Variants in ADK observed in about 807,000 individuals in gnomAD.
ADK encodes adenosine kinase.
Under a neutral mutation model 44.7 loss-of-function variants are expected in ADK, and 24 were observed. That is an observed-to-expected ratio of 0.54 (90% CI 0.39 to 0.76). The LOEUF is 0.76. ADK is among the 30% of genes least tolerant of loss of function. ADK has a pLI of 0.00. For missense variants in ADK, 321 were observed against 425.1 expected, an observed-to-expected ratio of 0.76 and a Z score of 2.15; for synonymous variants, 128 against 142.6, an observed-to-expected ratio of 0.90 and a Z score of 0.73.
At chr10:74,627,294 A>T (rs1467856106) in intron 9 of ADK, among the ~76,000 whole-genome samples, 2 of 152,122 alleles carry the variant, frequency 1.3e-5, no homozygotes, top group African/African-American at 4.8e-5. Flanking sequence ...TGAGAAACAT[A>T]GCGAGACCTC....
chr10:74,371,641 A>G (rs1179750977), intron 4 of ADK: 33 of 999,366 alleles, frequency 3.3e-5, no homozygotes, highest in Middle Eastern at 2.1e-4. Context: ...CAGATGGAAC[A>G]GTACATCTCT....
rs1200294218 is a variant in ADK at position 74,316,067 on chromosome 10, G to A, written c.273+1322G>A. ...AGCCTGGCCAACATGGTGAAACCCCGTCTCTCCTAAAAAAATACAAAAATT... is the reference window on the plus strand; with the variant it reads ...AGCCTGGCCAACATGGTGAAACCCCATCTCTCCTAAAAAAATACAAAAATT... On this transcript the variant is annotated intron_variant, in intron 4 of 10. Transcript: ENST00000539909. Among the ~76,000 whole-genome samples, 7 of 151,980 alleles carry A rather than the reference G, an allele frequency of 4.6e-5. No homozygotes were observed. The South Asian group carries it at 6.2e-4, about 14-fold the overall frequency.
At chr10:74,254,731 T>G (rs1198564333) in intron 3 of ADK, among the ~76,000 whole-genome samples, 2 of 152,158 alleles carry the variant, frequency 1.3e-5, no homozygotes, top group South Asian at 2.1e-4. Flanking sequence ...AAAAGGAATC[T>G]CCTTCTTTTT....
At chr10:74,223,234 C>T (rs1432689676) in intron 2 of ADK, among the ~76,000 whole-genome samples, 2 of 152,040 alleles carry the variant, frequency 1.3e-5, no homozygotes, top group African/African-American at 2.4e-5. Flanking sequence ...GGGGCCTGAA[C>T]CTGCTAATGG....
At chr10:74,449,531 T>C (rs777162915) in intron 6 of ADK, among the ~76,000 whole-genome samples, 4 of 152,224 alleles carry the variant, frequency 2.6e-5, no homozygotes, top group African/African-American at 4.8e-5. Context: ...TTTTGTGTAT[T>C]GTGCCTATTA....
chr10:74,258,442 C>T (rs1380843787), intron 3 of ADK, among the ~76,000 whole-genome samples: 1 of 152,080 alleles, frequency 6.6e-6, no homozygotes, highest in Admixed American at 6.6e-5. Context: ...CTTGTTGCTT[C>T]TATTTTCTCT....
intron 7 of ADK, among the ~76,000 whole-genome samples, chr10:74,560,696 A>G (rs956058383): frequency 6.6e-6 from 1 of 152,204 alleles, no homozygotes; most frequent in African/African-American, 2.4e-5. Flanking sequence ...TTTCCAAGTT[A>G]TAGTATTGAG....
At chr10:74,599,145 T>C (rs921844565) in intron 8 of ADK, among the ~76,000 whole-genome samples, 5 of 152,196 alleles carry the variant, frequency 3.3e-5, no homozygotes, top group African/African-American at 7.2e-5. Flanking sequence ...GAAAGCGAAA[T>C]AGTCAGCATG....
intron 3 of ADK, among the ~76,000 whole-genome samples, chr10:74,253,480 C>T (rs988682027): frequency 6.6e-6 from 1 of 152,090 alleles, no homozygotes; most frequent in Admixed American, 6.5e-5. Flanking sequence ...AGCTAGTCCT[C>T]AATTTAATTG....
chr10:74,263,276 A>G (rs955136534), intron 3 of ADK, among the ~76,000 whole-genome samples: 1 of 152,210 alleles, frequency 6.6e-6, no homozygotes, highest in Admixed American at 6.5e-5. Flanking sequence ...ATGCTTCATC[A>G]TGAAAATACG....
intron 9 of ADK, among the ~76,000 whole-genome samples, chr10:74,614,371 C>A (rs1852668079): frequency 2.0e-5 from 3 of 152,076 alleles, no homozygotes; most frequent in Admixed American, 6.6e-5. Flanking sequence ...AAATATGTTA[C>A]TAAATAACAT....
intron 2 of ADK, among the ~76,000 whole-genome samples, chr10:74,217,562 GCCT>G (rs1456405768): frequency 6.6e-6 from 1 of 152,216 alleles, no homozygotes; most frequent in Admixed American, 6.5e-5. Flanking sequence ...CGGGCAGACT[GCCT>G]CCTCAAGTGG....
intron 4 of ADK, among the ~76,000 whole-genome samples, chr10:74,359,478 TG>T (rs1413045120): frequency 1.3e-5 from 2 of 152,030 alleles, no homozygotes; most frequent in African/African-American, 2.4e-5. Context: ...GAGGCTGAAG[TG>T]GGAGGATTGC....
rs565550321 is a variant in ADK at position 74,433,119 on chromosome 10, A to G, written c.555+34540A>G. On this transcript the variant is annotated intron_variant, in intron 6 of 10. Coordinates refer to ENST00000539909, the MANE Select transcript of ADK (RefSeq NM_006721.4). ...AACATAGAATCATCTGTTGATGACA[A>G]AATTACCAAAATGGATCATCCATAA... 3.9e-5 allele frequency among the ~76,000 whole-genome samples: 6 copies of G among 152,288 alleles called. No individual in the cohort carries two copies. The South Asian group carries it at 1.2e-3, about 32-fold the overall frequency.
chr10:74,380,922 T>G (rs978377089), intron 4 of ADK, among the ~76,000 whole-genome samples: 2 of 152,164 alleles, frequency 1.3e-5, no homozygotes, highest in Non-Finnish European at 2.9e-5. Context: ...CTGTTTTTCT[T>G]TTGAAGGTAT....
At chr10:74,580,679 G>A (rs974665081) in intron 7 of ADK, among the ~76,000 whole-genome samples, 1 of 151,854 alleles carries the variant, frequency 6.6e-6, no homozygotes, top group Non-Finnish European at 1.5e-5. Context: ...CCATGATTGT[G>A]AGGCTTCCCC....
intron 4 of ADK, among the ~76,000 whole-genome samples, chr10:74,329,789 T>C (rs1487730023): frequency 2.0e-5 from 3 of 152,326 alleles, no homozygotes; most frequent in Non-Finnish European, 4.4e-5. Flanking sequence ...CTAATGACTT[T>C]ATGAAGATGG....
intron 7 of ADK, among the ~76,000 whole-genome samples, chr10:74,585,626 C>T (rs1354146459): frequency 6.6e-6 from 1 of 152,176 alleles, no homozygotes; most frequent in Non-Finnish European, 1.5e-5. Context: ...TTAATCCCTC[C>T]TCCTTTGTGA....
At chr10:74,309,434 A>G (rs1840362281) in intron 3 of ADK, among the ~76,000 whole-genome samples, 1 of 152,182 alleles carries the variant, frequency 6.6e-6, no homozygotes, top group Non-Finnish European at 1.5e-5. Context: ...AACTGGACTT[A>G]GAGGATAATG....
Sources: allele counts gnomAD v4.1 joint callset (sites outside exome capture counted in the v4.1 genomes callset), GRCh38; gene constraint gnomAD v4.1.1; transcripts MANE v1.5; gene names NCBI Gene and HGNC (gene_info 2026-07-23, HGNC 2026-07-21).